OLFM2: variants seen among roughly 807,000 people sequenced by gnomAD.
The protein encoded by OLFM2 is noelin-2.
OLFM2 carries 20 observed loss-of-function variants against 43.9 expected under a neutral mutation model. The observed-to-expected ratio is 0.46, with a 90% confidence interval of 0.32 to 0.66. The LOEUF is 0.66. Ranked by LOEUF, OLFM2 falls within the 30% of genes least tolerant of loss-of-function variation. The pLI is 0.04. For synonymous variants in OLFM2, 268 were observed against 278.6 expected (o/e 0.96, Z 0.38); for missense variants, 416 against 643.6 (o/e 0.65, Z 3.83).
At chr19:9,930,690 C>CA (rs35821657) in intron 1 of OLFM2, among the ~76,000 whole-genome samples, 37,420 of 143,570 alleles carry the variant, frequency 0.26, 5,091 homozygotes, top group African/African-American at 0.37. Context: ...ATTAAAAATA[C>CA]AAAAAAAAAA....
At chr19:9,896,509 A>AT (rs1473600552) in intron 1 of OLFM2, among the ~76,000 whole-genome samples, 1 of 151,712 alleles carries the variant, frequency 6.6e-6, no homozygotes, top group East Asian at 1.9e-4. Context: ...CCATCCTCCC[A>AT]CCCCGGCCTC....
intron 1 of OLFM2, among the ~76,000 whole-genome samples, chr19:9,914,735 C>T (rs1024436703): frequency 8.5e-5 from 13 of 152,076 alleles, no homozygotes; most frequent in Non-Finnish European, 1.2e-4. Context: ...CGTCCGCCCA[C>T]GCATCAGCCG....
chr19:9,926,766 G>A (rs752691606), intron 1 of OLFM2, among the ~76,000 whole-genome samples: 21 of 151,232 alleles, frequency 1.4e-4, no homozygotes, highest in Non-Finnish European at 2.1e-4. Flanking sequence ...GATCTTATGA[G>A]CCCAGGAGTT....
At chr19:9,866,833 G>A (rs1055628577) in intron 1 of OLFM2, among the ~76,000 whole-genome samples, 3 of 152,054 alleles carry the variant, frequency 2.0e-5, no homozygotes, top group East Asian at 3.9e-4. Context: ...CTTGGTTCAG[G>A]GTTTAATATT....
intron 5 of OLFM2, among the ~76,000 whole-genome samples, chr19:9,855,299 G>A (rs891960725): frequency 6.8e-6 from 1 of 147,712 alleles, no homozygotes; most frequent in Non-Finnish European, 1.5e-5. Context: ...GGAGTACAGT[G>A]GCGTGATCTC....
chr19:9,925,293 T>C (rs2086446126), intron 1 of OLFM2, among the ~76,000 whole-genome samples: 1 of 152,124 alleles, frequency 6.6e-6, no homozygotes, highest in Non-Finnish European at 1.5e-5. Context: ...TATTATTCAG[T>C]TGACAAAAAC....
intron 1 of OLFM2, among the ~76,000 whole-genome samples, chr19:9,933,094 C>T (rs926945808): frequency 1.3e-5 from 2 of 152,208 alleles, no homozygotes; most frequent in African/African-American, 4.8e-5. Flanking sequence ...TTTGCACCTT[C>T]TGTTCCTCCC....
At chr19:9,913,813 G>T in intron 1 of OLFM2, 2 of 397,564 alleles carry the variant, frequency 5.0e-6, no homozygotes, top group Non-Finnish European at 6.9e-6. Flanking sequence ...GGCGCGCCTG[G>T]CGGGCTCCTC....
chr19:9,930,850 T>G (rs138002501), intron 1 of OLFM2, among the ~76,000 whole-genome samples: 20 of 151,404 alleles, frequency 1.3e-4, no homozygotes, highest in African/African-American at 4.9e-4. Context: ...AAGACTCTGT[T>G]TCAAATATCA....
At chr19:9,862,974 G>A (rs1175946091) in intron 1 of OLFM2, among the ~76,000 whole-genome samples, 1 of 122,726 alleles carries the variant, frequency 8.1e-6, no homozygotes, top group Admixed American at 9.3e-5. Context: ...GGGCAAAAGA[G>A]TGAAACTCTG....
chr19:9,854,939 T>G lies in OLFM2; in HGVS notation c.688-76A>C. The G allele has an allele frequency of 3.4e-6, 4 of 1,176,498 alleles. No homozygotes were observed. Among genetic ancestry groups the G allele is most frequent in the Non-Finnish European group, 4.7e-6 (4 of 847,988 alleles). The allele number at this position is 1,176,498 out of a possible 1,614,324, so 72.9% of individuals were successfully genotyped here. On this transcript the variant is annotated intron_variant, in intron 5 of 5. Coordinates refer to ENST00000264833, the MANE Select transcript of OLFM2 (RefSeq NM_058164.4). The surrounding 1 kb of genome is among the most constrained non-coding windows in gnomAD (Gnocchi z 9.5). ...GGGTCCCAGCACCAGCTACAGCCATTAGAGTTCAACAGTCACTAAGTGGTC... is the reference window on the plus strand; with the variant it reads ...GGGTCCCAGCACCAGCTACAGCCATGAGAGTTCAACAGTCACTAAGTGGTC...
chr19:9,894,413 A>AATAATAATAATAATAATAAT (rs34172574), intron 1 of OLFM2, among the ~76,000 whole-genome samples: 2 of 103,666 alleles, frequency 1.9e-5, no homozygotes, highest in Non-Finnish European at 3.7e-5. Context: ...TAATAATAAT[A>AATAATAATAATAATAATAAT]AATAAATAAA....
Position 9,874,930 on chromosome 19 carries a change from G to A in OLFM2, c.64-14136C>T, listed in dbSNP as rs377343234. On this transcript the variant is annotated intron_variant, in intron 1 of 5. Coordinates refer to ENST00000264833, the MANE Select transcript of OLFM2 (RefSeq NM_058164.4). ...CACCCGTCCCCTAATGGCTTTTGAG[G>A]GCAGGAACTGTGGCCTCACTTTGCT... 2.6e-5 allele frequency among the ~76,000 whole-genome samples: 4 copies of A among 152,238 alleles called. No homozygotes were observed. The East Asian group carries it at 5.8e-4, about 22-fold the overall frequency.
intron 1 of OLFM2, among the ~76,000 whole-genome samples, chr19:9,884,971 C>T (rs1462052252): frequency 6.6e-6 from 1 of 152,198 alleles, no homozygotes; most frequent in Non-Finnish European, 1.5e-5. Flanking sequence ...TGTCTGCTCT[C>T]TTCCTCCTTC....
intron 1 of OLFM2, among the ~76,000 whole-genome samples, chr19:9,908,202 G>T (rs1191983564): frequency 6.6e-6 from 1 of 152,020 alleles, no homozygotes; most frequent in Non-Finnish European, 1.5e-5. Flanking sequence ...ATAGCTCACT[G>T]TAGCCTCCAA....
At chr19:9,930,625 A>G (rs2086476722) in intron 1 of OLFM2, among the ~76,000 whole-genome samples, 2 of 151,816 alleles carry the variant, frequency 1.3e-5, no homozygotes, top group Admixed American at 1.3e-4. Context: ...CGGGCAGATC[A>G]TCTGAGGTCT....
intron 1 of OLFM2, among the ~76,000 whole-genome samples, chr19:9,921,476 T>C (rs554362756): frequency 6.6e-6 from 1 of 151,188 alleles, no homozygotes; most frequent in Admixed American, 6.6e-5. Context: ...GAAAAAATTA[T>C]TTGAACTACA....
At chr19:9,907,107 C>T (rs1379207748) in intron 1 of OLFM2, among the ~76,000 whole-genome samples, 2 of 152,192 alleles carry the variant, frequency 1.3e-5, no homozygotes, top group African/African-American at 4.8e-5. Context: ...GCCCCATCAC[C>T]AGCATACCCA....
At chr19:9,914,940 G>A (rs1032848709) in intron 1 of OLFM2, among the ~76,000 whole-genome samples, 35 of 152,252 alleles carry the variant, frequency 2.3e-4, no homozygotes, top group Middle Eastern at 3.4e-3. Flanking sequence ...TGGGGCTGAG[G>A]GCTCTGGCTG....
Sources: gnomAD v4.1 joint callset for allele counts (sites outside exome capture counted in the v4.1 genomes callset) on GRCh38, gnomAD v4.1.1 for gene constraint, Gnocchi (gnomAD v3.1) non-coding constraint, MANE v1.5 for transcripts, NCBI Gene and HGNC (gene_info 2026-07-23, HGNC 2026-07-21) for gene names.